Variants in GABRA4 observed in about 807,000 individuals in gnomAD.
The protein encoded by GABRA4 is gamma-aminobutyric acid receptor subunit alpha-4.
In GABRA4, 12 loss-of-function variants were observed where a neutral mutation model predicts 49.7. The ratio of observed to expected loss-of-function variants is 0.24; its 90% confidence interval spans 0.15 to 0.39. The LOEUF is 0.39. Ranked by LOEUF, GABRA4 falls within the 10% of genes least tolerant of loss-of-function variation. GABRA4 has a pLI of 1.00. For synonymous variants in GABRA4, 288 were observed against 240.2 expected, an observed-to-expected ratio of 1.20 and a Z score of -1.84; for missense variants, 506 against 686.0, an observed-to-expected ratio of 0.74 and a Z score of 2.93.
intron 2 of GABRA4, among the ~76,000 whole-genome samples, chr4:46,990,176 T>C (rs1246163521): frequency 6.6e-6 from 1 of 152,210 alleles, no homozygotes; most frequent in African/African-American, 2.4e-5. Flanking sequence ...GTTTAAATGG[T>C]TAATCAATTG....
At position 46,920,346 on chromosome 4, in the gene GABRA4, G is replaced by T. The variant is rs924843318; in HGVS notation, c.*7879C>A. 4.0e-5 allele frequency: 6 copies of T among 151,460 alleles called. No homozygotes were observed. The highest frequency in any genetic ancestry group is 1.5e-4 in the African/African-American group (6 of 41,336). The allele number at this position is 151,460 out of a possible 1,614,324, so 9.4% of individuals were successfully genotyped here. ...ACAACATAACTTTGTTCAGGTATTT[G>T]CCAGTCTCCTTTAATGGATACTATA... On this transcript the variant is annotated 3_prime_UTR_variant, in exon 9 of 9. Coordinates refer to ENST00000264318, the MANE Select transcript of GABRA4 (RefSeq NM_000809.4).
At chr4:46,954,401 C>A (rs1577765130) in intron 8 of GABRA4, among the ~76,000 whole-genome samples, 1 of 151,294 alleles carries the variant, frequency 6.6e-6, no homozygotes. Flanking sequence ...ACTAAAAATA[C>A]AAAAAATTAG....
chr4:46,921,306 A>T lies in GABRA4; in HGVS notation c.*6919T>A, dbSNP rs1165686698. 6.6e-6 allele frequency: 1 copy of T among 151,940 alleles called. No individual in the cohort carries two copies. The highest frequency in any genetic ancestry group is 1.5e-5 in the Non-Finnish European group (1 of 67,894). 9.4% of individuals were successfully genotyped at this position (151,940 alleles called of 1,614,324 possible). On this transcript the variant is annotated 3_prime_UTR_variant, in exon 9 of 9. Coordinates refer to ENST00000264318, the MANE Select transcript of GABRA4 (RefSeq NM_000809.4). The stretch of plus-strand genomic sequence containing the variant: ...CTACTGATGAATTGAAGGACAGGAA[A>T]ATATAAACAGTGTAATAAATTAACA...
At chr4:46,946,229 T>C (rs907690319) in intron 8 of GABRA4, among the ~76,000 whole-genome samples, 1 of 152,138 alleles carries the variant, frequency 6.6e-6, no homozygotes, top group African/African-American at 2.4e-5. Context: ...ATGTTGATAC[T>C]TCTTTGAATT....
chr4:46,976,491 C>T (rs1723145251), intron 5 of GABRA4, among the ~76,000 whole-genome samples: 1 of 151,080 alleles, frequency 6.6e-6, no homozygotes, highest in Non-Finnish European at 1.5e-5. Flanking sequence ...CTGTATAAGG[C>T]ATTATATTAA....
intron 5 of GABRA4, 138 bp downstream of exon 5, chr4:46,976,923 A>G: frequency 3.6e-6 from 2 of 548,340 alleles, no homozygotes; most frequent in Non-Finnish European, 6.6e-6. Context: ...AGTTAATGAA[A>G]TCTCCAGAAA....
At position 46,979,108 on chromosome 4, in the gene GABRA4, A is replaced by G. The variant is rs1723256905; in HGVS notation, c.206-10T>C. On this transcript the variant is annotated splice_polypyrimidine_tract_variant and intron_variant, in intron 2 of 8. Coordinates refer to ENST00000264318, the MANE Select transcript of GABRA4 (RefSeq NM_000809.4). Reference sequence around the variant, plus strand: ...ACTTCTGTAACAGGACCTAACGGGTATGAAGTAAATAAGTGTGAAAAAATA... The same window carrying G: ...ACTTCTGTAACAGGACCTAACGGGTGTGAAGTAAATAAGTGTGAAAAAATA... The G allele has an allele frequency of 6.4e-7, 1 of 1,571,584 alleles. No individual in the cohort carries two copies.
chr4:46,928,614 G>T lies in GABRA4; in HGVS notation c.1276C>A (p.Arg426=). The change falls in exon 9 of 9, where the codon CGG becomes AGG. Residue 426 remains arginine, a synonymous_variant. Coordinates refer to ENST00000264318, the MANE Select transcript of GABRA4 (RefSeq NM_000809.4). ...TTTGGACTGGAAGCTAAGTAAGACC[G>T]AGGTGTGCCTTTAGAAGATTCTTGA... ...VVQESSKGTP[R]SYLASSPNPF... The T allele has an allele frequency of 6.2e-7, 1 of 1,613,684 alleles. No individual in the cohort carries two copies.
At chr4:46,936,820 T>A (rs1721618018) in intron 8 of GABRA4, among the ~76,000 whole-genome samples, 1 of 152,214 alleles carries the variant, frequency 6.6e-6, no homozygotes, top group Non-Finnish European at 1.5e-5. Context: ...TGTCACTTTT[T>A]TCCCTTTATC....
At chr4:46,931,386 C>CT (rs1164078244) in intron 8 of GABRA4, among the ~76,000 whole-genome samples, 1 of 152,034 alleles carries the variant, frequency 6.6e-6, no homozygotes, top group Non-Finnish European at 1.5e-5. Context: ...CAAACTGACT[C>CT]TAAGTAACTT....
chr4:46,954,621 A>G lies in GABRA4; in HGVS notation c.1134+10349T>C, dbSNP rs149728982. ...AGTTACAAAGAATGGATGAGTTTGT[A>G]CTAATACAGACATTTTTAATTAGAT... is the stretch of plus-strand genomic sequence containing the variant. On this transcript the variant is annotated intron_variant, in intron 8 of 8. Coordinates refer to ENST00000264318, the MANE Select transcript of GABRA4 (RefSeq NM_000809.4). Among the ~76,000 whole-genome samples the G allele has an allele frequency of 2.6e-5, 4 of 152,150 alleles. No homozygotes were observed. In the East Asian group the frequency reaches 5.8e-4, roughly 22 times the overall value.
Position 46,921,801 on chromosome 4 carries a change from A to G in GABRA4, c.*6424T>C, listed in dbSNP as rs1245874192. The G allele has an allele frequency of 1.3e-5, 2 of 152,158 alleles. No individual in the cohort carries two copies. The highest frequency in any genetic ancestry group is 4.8e-5 in the African/African-American group (2 of 41,460). 9.4% of individuals were successfully genotyped at this position (152,158 alleles called of 1,614,324 possible). On this transcript the variant is annotated 3_prime_UTR_variant, in exon 9 of 9. Transcript: ENST00000264318. ...ACATAATGAAAAATTGAGAAAAAAA[A>G]ATGAAAACCATATCTGTAATTAACA... is the stretch of plus-strand genomic sequence containing the variant.
At chr4:46,946,587 T>C (rs962861014) in intron 8 of GABRA4, among the ~76,000 whole-genome samples, 1 of 152,134 alleles carries the variant, frequency 6.6e-6, no homozygotes, top group African/African-American at 2.4e-5. Context: ...GCTAAATTAT[T>C]GATTCACTTC....
At chr4:46,972,945 T>C (rs910885678) in intron 6 of GABRA4, among the ~76,000 whole-genome samples, 2 of 151,764 alleles carry the variant, frequency 1.3e-5, no homozygotes, top group African/African-American at 2.4e-5. Flanking sequence ...AATGCAGTCT[T>C]AGCATTTTAT....
At chr4:46,955,159 C>A (rs10004131) in intron 8 of GABRA4, among the ~76,000 whole-genome samples, 1 of 151,808 alleles carries the variant, frequency 6.6e-6, no homozygotes, top group African/African-American at 2.4e-5. Flanking sequence ...AATAAATGAA[C>A]AAATATACTA....
intron 6 of GABRA4, 57 bp downstream of exon 6, chr4:46,974,175 G>A: frequency 6.6e-7 from 1 of 1,524,742 alleles, no homozygotes; most frequent in Non-Finnish European, 8.8e-7. Context: ...AAAGTCAGGA[G>A]AAAACTTTAT....
Position 46,919,019 on chromosome 4 carries a change from T to C in GABRA4, c.*9206A>G, listed in dbSNP as rs1478326590. Reference sequence around the variant, plus strand: ...GCTCCAACACATTTATCTTAAAATATAAGTATCTGTGATTAAATTTTATAG... The same window carrying C: ...GCTCCAACACATTTATCTTAAAATACAAGTATCTGTGATTAAATTTTATAG... On this transcript the variant is annotated 3_prime_UTR_variant, in exon 9 of 9. Coordinates refer to ENST00000264318, the MANE Select transcript of GABRA4 (RefSeq NM_000809.4). 1 of 151,680 alleles carries C rather than the reference T, an allele frequency of 6.6e-6. No homozygotes were observed. The highest frequency in any genetic ancestry group is 1.5e-5 in the Non-Finnish European group (1 of 67,630). 9.4% of individuals were successfully genotyped at this position (151,680 alleles called of 1,614,324 possible).
At chr4:46,976,001 G>A (rs1019403642) in intron 5 of GABRA4, among the ~76,000 whole-genome samples, 4 of 151,824 alleles carry the variant, frequency 2.6e-5, no homozygotes, top group African/African-American at 9.7e-5. Flanking sequence ...ATAACAGCAG[G>A]CAACAGTTTC....
At chr4:46,943,520 C>T (rs1343498679) in intron 8 of GABRA4, among the ~76,000 whole-genome samples, 1 of 152,056 alleles carries the variant, frequency 6.6e-6, no homozygotes, top group Admixed American at 6.6e-5. Flanking sequence ...CTTATTAAAA[C>T]TTTTTCAGCG....
Sources: allele counts gnomAD v4.1 joint callset (sites outside exome capture counted in the v4.1 genomes callset), GRCh38; gene constraint gnomAD v4.1.1; transcripts MANE v1.5; gene names NCBI Gene and HGNC (gene_info 2026-07-23, HGNC 2026-07-21).